The following ARMC7 variants were observed in gnomAD, a reference collection of about 807,000 sequenced individuals.
The protein encoded by ARMC7 is armadillo repeat containing 7.
A neutral mutation model predicts 14.8 loss-of-function variants in ARMC7; 9 were observed. The observed-to-expected ratio is 0.61, with a 90% CI of 0.37 to 1.06. The LOEUF is 1.06. Among genes scored for constraint, ARMC7 ranks in the 50% least tolerant of loss-of-function variants. ARMC7 has a pLI of 0.01. For missense variants in ARMC7, 262 were observed against 267.1 expected, an observed-to-expected ratio of 0.98 and a Z score of 0.13; for synonymous variants, 125 against 123.4, an observed-to-expected ratio of 1.01 and a Z score of -0.09.
intron 2 of ARMC7, among the ~76,000 whole-genome samples, chr17:75,113,064 C>T (rs913396227): frequency 1.4e-5 from 2 of 146,356 alleles, no homozygotes; most frequent in Non-Finnish European, 3.0e-5. Context: ...CTTGCTCTGT[C>T]GCCCAGGCTG....
chr17:75,120,752 T>C (rs888153120), intron 2 of ARMC7, among the ~76,000 whole-genome samples: 3 of 148,986 alleles, frequency 2.0e-5, no homozygotes, highest in African/African-American at 7.5e-5. Context: ...AGGCGGAGAT[T>C]GCAGTGAGCT....
At chr17:75,114,018 C>CT (rs758377578) in intron 2 of ARMC7, among the ~76,000 whole-genome samples, 2 of 152,234 alleles carry the variant, frequency 1.3e-5, no homozygotes, top group Admixed American at 6.5e-5. Flanking sequence ...GTGGGGCCTG[C>CT]TAAAGCCAAG....
intron 2 of ARMC7, chr17:75,114,628 C>T (rs56234247): frequency 0.019 from 7,610 of 396,966 alleles, 110 homozygotes; most frequent in Non-Finnish European, 0.028. Context: ...GCATCTGTGT[C>T]TCTGTGCAGG....
chr17:75,125,361 G>A (rs1234737319), intron 2 of ARMC7, among the ~76,000 whole-genome samples: 1 of 152,200 alleles, frequency 6.6e-6, no homozygotes, highest in Non-Finnish European at 1.5e-5. Context: ...GAGAGCAGTG[G>A]AGGGCTTGTT....
At chr17:75,125,659 G>A (rs1045539902) in intron 2 of ARMC7, among the ~76,000 whole-genome samples, 5 of 151,704 alleles carry the variant, frequency 3.3e-5, no homozygotes, top group East Asian at 3.9e-4. Flanking sequence ...CTAACATGGC[G>A]AAACCCTGTC....
At chr17:75,116,322 A>G (rs1211262270) in intron 2 of ARMC7, among the ~76,000 whole-genome samples, 3 of 152,156 alleles carry the variant, frequency 2.0e-5, no homozygotes, top group Non-Finnish European at 4.4e-5. Flanking sequence ...GGGCTGGCCA[A>G]AGGTTTAAAG....
intron 2 of ARMC7, among the ~76,000 whole-genome samples, chr17:75,119,760 C>G (rs979355585): frequency 3.9e-5 from 6 of 152,082 alleles, no homozygotes; most frequent in Admixed American, 1.3e-4. Context: ...CACGCCCAGC[C>G]TGCTGTGAAG....
At position 75,129,105 on chromosome 17, in the gene ARMC7, G is replaced by C. The variant is rs143572629; in HGVS notation, c.*67G>C. The stretch of plus-strand genomic sequence containing the variant: ...ACCACAGTCCTGATGTGGACGCAGG[G>C]AACGGGGAGCACATACTGCCCCATT... On this transcript the variant is annotated 3_prime_UTR_variant, in exon 3 of 3. Coordinates refer to ENST00000245543, the MANE Select transcript of ARMC7 (RefSeq NM_024585.4). The C allele has an allele frequency of 1.3e-4, 203 of 1,517,088 alleles. 1 individual carries two copies. In the African/African-American group the frequency reaches 2.6e-3, roughly 19 times the overall value. 94.0% of individuals were successfully genotyped at this position (1,517,088 alleles called of 1,614,324 possible).
intron 2 of ARMC7, among the ~76,000 whole-genome samples, chr17:75,127,059 CAAAAA>C (rs561709280): frequency 3.9e-5 from 4 of 102,518 alleles, no homozygotes; most frequent in Middle Eastern, 5.3e-3. Context: ...AAAACTGTCT[CAAAAA>C]AAAAAAAAAA....
intron 2 of ARMC7, among the ~76,000 whole-genome samples, chr17:75,112,573 C>CTTTTTTTTTTTTTTTTTTT: frequency 1.0e-5 from 1 of 100,460 alleles, no homozygotes; most frequent in Non-Finnish European, 2.1e-5. Context: ...TTCTCTTTTT[C>CTTTTTTTTTTTTTTTTTTT]TTTTTTTTTT....
rs752190084 is a variant in ARMC7, at chr17:75,128,824, C to T, written c.383C>T (p.Pro128Leu). ...AITTLMHLSP[P>L]GRSFLPELTA... Reference sequence around the variant, plus strand: ...ACCACGCTCATGCACCTGAGCCCGCCGGGCCGCAGCTTTCTCCCAGAGCTG... The same window carrying T: ...ACCACGCTCATGCACCTGAGCCCGCTGGGCCGCAGCTTTCTCCCAGAGCTG... Residue 128 changes from proline to leucine, a missense_variant, in exon 3 of 3, where the codon CCG (proline) becomes CTG (leucine). Coordinates refer to ENST00000245543, the MANE Select transcript of ARMC7 (RefSeq NM_024585.4). 2.6e-5 allele frequency: 42 copies of T among 1,613,178 alleles called. No homozygotes were observed. The Middle Eastern group carries it at 4.9e-4, about 19-fold the overall frequency.
Position 75,129,245 on chromosome 17 carries a change from CTG to C in ARMC7, c.*208_*209del, listed in dbSNP as rs1263243179. The stretch of plus-strand genomic sequence containing the variant: ...CTCCAGAGACACGGAGAAGATCAAA[CTG>C]GAGCTGCGTTCATAGGCTGGCACTC... On this transcript the variant is annotated 3_prime_UTR_variant, in exon 3 of 3. Coordinates refer to ENST00000245543, the MANE Select transcript of ARMC7 (RefSeq NM_024585.4). The C allele has an allele frequency of 5.7e-6, 4 of 707,738 alleles. No homozygotes were observed. Among genetic ancestry groups the C allele is most frequent in the Admixed American group, 3.1e-5 (1 of 32,524 alleles). 43.8% of individuals were successfully genotyped at this position (707,738 alleles called of 1,614,324 possible).
chr17:75,115,978 G>A (rs1328343802), intron 2 of ARMC7, among the ~76,000 whole-genome samples: 1 of 152,136 alleles, frequency 6.6e-6, no homozygotes, highest in African/African-American at 2.4e-5. Context: ...GTCGCCCCTT[G>A]TCCCAGAGAG....
rs114801829 is a variant in ARMC7 at position 75,127,855 on chromosome 17, A to G, written c.236-822A>G. Among the ~76,000 whole-genome samples, 866 of 152,334 alleles carry G rather than the reference A, an allele frequency of 5.7e-3. 8 individuals are homozygous for G. The highest frequency in any genetic ancestry group is 0.02 in the African/African-American group (817 of 41,566). ...AGGGATCCTCCTGCCTTGGCCTGCC[A>G]AAGCACTGGAATTACAGGTGTGAGC... On this transcript the variant is annotated intron_variant, in intron 2 of 2. Transcript: ENST00000245543.
Position 75,110,062 on chromosome 17 carries a change from G to T in ARMC7, c.-227G>T, listed in dbSNP as rs2073896262. 1.9e-6 allele frequency: 1 copy of T among 522,588 alleles called. No homozygotes were observed. Among genetic ancestry groups the T allele is most frequent in the Non-Finnish European group, 3.4e-6 (1 of 296,530 alleles). The allele number at this position is 522,588 out of a possible 1,614,324, so 32.4% of individuals were successfully genotyped here. On this transcript the variant is annotated 5_prime_UTR_variant, in exon 1 of 3. Coordinates refer to ENST00000245543, the MANE Select transcript of ARMC7 (RefSeq NM_024585.4). ...TCCCTGTCTCCCGCGCCCCAATTTC[G>T]ATTTTCAAACGCAACTCCTACAGGA...
intron 2 of ARMC7, among the ~76,000 whole-genome samples, chr17:75,126,674 T>A (rs79103750): frequency 1.3e-5 from 2 of 151,628 alleles, no homozygotes; most frequent in Middle Eastern, 6.8e-3. Flanking sequence ...CTCAGCCTCC[T>A]GGGTTCAAGC....
At chr17:75,113,140 T>G (rs1440735726) in intron 2 of ARMC7, among the ~76,000 whole-genome samples, 1 of 149,236 alleles carries the variant, frequency 6.7e-6, no homozygotes, top group East Asian at 2.0e-4. Context: ...GTTCTCCTGC[T>G]TCAGCCTCCC....
In ARMC7 at chr17:75,116,487, C is replaced by T. The variant is rs370117586; in HGVS notation, c.235+5881C>T. Among the ~76,000 whole-genome samples the T allele has an allele frequency of 7.9e-5, 12 of 152,246 alleles. No individual in the cohort carries two copies. In the East Asian group the frequency reaches 1.4e-3, roughly 17 times the overall value. ...TACTAAAAATACAATTAGCTGGGTGCGGTGGCACGCGCCTGTAATCCCAGC... is the reference window on the plus strand; with the variant it reads ...TACTAAAAATACAATTAGCTGGGTGTGGTGGCACGCGCCTGTAATCCCAGC... On this transcript the variant is annotated intron_variant, in intron 2 of 2. Coordinates refer to ENST00000245543, the MANE Select transcript of ARMC7 (RefSeq NM_024585.4).
chr17:75,113,171 C>A (rs1234500477), intron 2 of ARMC7, among the ~76,000 whole-genome samples: 1 of 150,770 alleles, frequency 6.6e-6, no homozygotes, highest in Non-Finnish European at 1.5e-5. Flanking sequence ...TTATAGGCGC[C>A]CGCCACCACG....
Sources: gnomAD v4.1 joint callset for allele counts (sites outside exome capture counted in the v4.1 genomes callset) on GRCh38, gnomAD v4.1.1 for gene constraint, MANE v1.5 for transcripts, NCBI Gene and HGNC (gene_info 2026-07-23, HGNC 2026-07-21) for gene names.